Variants in PHF14 observed in about 807,000 individuals in gnomAD.
PHF14 encodes PHD finger protein 14.
Under a neutral mutation model 117.9 loss-of-function variants are expected in PHF14, and 55 were observed. The ratio of observed to expected loss-of-function variants is 0.47; its 90% CI spans 0.38 to 0.58. PHF14 has a LOEUF of 0.58. Among genes scored for constraint, PHF14 ranks in the 20% least tolerant of loss-of-function variants. The pLI is 0.00. For synonymous variants in PHF14, 409 were observed against 368.6 expected (o/e 1.11, Z -1.26); for missense variants, 978 against 1,122.2 (o/e 0.87, Z 1.84).
At chr7:11,001,980 G>T (rs1782892654) in intron 4 of PHF14, among the ~76,000 whole-genome samples, 1 of 151,372 alleles carries the variant, frequency 6.6e-6, no homozygotes, top group Non-Finnish European at 1.5e-5. Context: ...TTAGCTATAG[G>T]TTTTTTTTGT....
At chr7:11,168,902 A>G (rs1396222491) in intron 17 of PHF14, among the ~76,000 whole-genome samples, 1 of 152,124 alleles carries the variant, frequency 6.6e-6, no homozygotes, top group Non-Finnish European at 1.5e-5. Context: ...ACCACTTAGA[A>G]TTGAAACTGT....
At chr7:11,051,520 C>A (rs1297588525) in intron 13 of PHF14, 92 bp from the exon 14 acceptor site, 7 of 984,128 alleles carry the variant, frequency 7.1e-6, no homozygotes, top group South Asian at 3.9e-5. Flanking sequence ...ATATATTATT[C>A]TTATATACCT....
rs17163927 is a variant in PHF14, at chr7:11,051,798, T to C, written c.2481+18T>C. 25,674 of 1,608,288 alleles carry C rather than the reference T, an allele frequency of 0.016. 472 individuals are homozygous for C. Among genetic ancestry groups the C allele is most frequent in the African/African-American group, 0.089 (6,654 of 74,848 alleles). ...GAAACACGGTAGTTTATTTTTTATT[T>C]ATCATAAGCATCATACAATTCTGAG... On this transcript the variant is annotated intron_variant, in intron 14 of 17. Transcript: ENST00000634607.
At chr7:11,128,261 G>A (rs1185987811) in intron 17 of PHF14, among the ~76,000 whole-genome samples, 4 of 151,858 alleles carry the variant, frequency 2.6e-5, no homozygotes, top group African/African-American at 4.8e-5. Flanking sequence ...ATGCATCAAG[G>A]CTTCAGTTTT....
intron 17 of PHF14, among the ~76,000 whole-genome samples, chr7:11,153,771 T>C (rs2128354739): frequency 6.6e-6 from 1 of 152,164 alleles, no homozygotes; most frequent in Middle Eastern, 3.4e-3. Context: ...TTGAGAAAAT[T>C]GGGTGGTTAT....
intron 17 of PHF14, among the ~76,000 whole-genome samples, chr7:11,160,120 C>G (rs1788980781): frequency 6.6e-6 from 1 of 152,042 alleles, no homozygotes; most frequent in African/African-American, 2.4e-5. Flanking sequence ...CTTCATGTCC[C>G]TGTGTACCCA....
chr7:10,988,829 A>G lies in PHF14; in HGVS notation c.901-1874A>G, dbSNP rs140953952. On this transcript the variant is annotated intron_variant, in intron 3 of 17. Coordinates refer to ENST00000634607, the MANE Select transcript of PHF14 (RefSeq NM_001007157.2). The stretch of plus-strand genomic sequence containing the variant: ...TAATTCTTATAACCTCCTGAAGTAG[A>G]TATTATTTTTATCGCCATTTTGCAG... 3.9e-3 allele frequency among the ~76,000 whole-genome samples: 589 copies of G among 152,236 alleles called. 4 individuals carry two copies. Among genetic ancestry groups the G allele is most frequent in the African/African-American group, 0.014 (566 of 41,544 alleles).
In PHF14 at chr7:10,974,331, G is replaced by A; in HGVS notation, c.1+7G>A. 1 of 1,590,562 alleles carries A rather than the reference G, an allele frequency of 6.3e-7. No homozygotes were observed. ...CCACCTCACGGATTCCTTAGTAAGT[G>A]TATCCGAGGCCTCTGCGGCGAGAGG... On this transcript the variant is annotated splice_region_variant and intron_variant, in intron 1 of 17. Coordinates refer to ENST00000634607, the MANE Select transcript of PHF14 (RefSeq NM_001007157.2).
At chr7:11,044,810 C>T (rs1222116636) in intron 13 of PHF14, among the ~76,000 whole-genome samples, 2 of 152,036 alleles carry the variant, frequency 1.3e-5, no homozygotes, top group African/African-American at 4.8e-5. Context: ...GGTTGAGTAT[C>T]CCTTATCCAA....
chr7:11,016,561 T>A (rs1281074830), intron 5 of PHF14, among the ~76,000 whole-genome samples: 1 of 152,100 alleles, frequency 6.6e-6, no homozygotes, highest in Non-Finnish European at 1.5e-5. Flanking sequence ...CTGTGGGAAA[T>A]TTTTTGGCAT....
intron 4 of PHF14, among the ~76,000 whole-genome samples, chr7:10,995,351 C>T (rs561487301): frequency 5.3e-5 from 8 of 150,468 alleles, no homozygotes; most frequent in Admixed American, 2.6e-4. Context: ...ACAAGCCTTG[C>T]GCTAGACACA....
intron 17 of PHF14, 72 bp downstream of exon 17, chr7:11,111,539 A>T (rs1456889392): frequency 2.8e-6 from 2 of 721,350 alleles, no homozygotes; most frequent in Non-Finnish European, 4.8e-6. Flanking sequence ...TCACACAATT[A>T]GCTTCTTTAA....
intron 16 of PHF14, among the ~76,000 whole-genome samples, chr7:11,097,838 TCTC>T (rs1271550281): frequency 1.3e-5 from 2 of 152,152 alleles, no homozygotes; most frequent in East Asian, 1.9e-4. Flanking sequence ...TATTCTATCT[TCTC>T]CTTCATCTTT....
chr7:11,143,754 A>G (rs1158847596), intron 17 of PHF14, among the ~76,000 whole-genome samples: 1 of 152,130 alleles, frequency 6.6e-6, no homozygotes, highest in Admixed American at 6.6e-5. Context: ...CTTGCAGGTC[A>G]TAACCTTTAT....
chr7:11,105,090 T>C (rs1459341971), intron 16 of PHF14: 1 of 946,374 alleles, frequency 1.1e-6, no homozygotes, highest in Non-Finnish European at 1.3e-6. Context: ...CAGAAAGAAA[T>C]CAATAAACAT....
intron 16 of PHF14, among the ~76,000 whole-genome samples, chr7:11,079,491 A>T (rs1238098037): frequency 1.3e-5 from 2 of 152,174 alleles, no homozygotes; most frequent in Non-Finnish European, 2.9e-5. Flanking sequence ...ATGTTCTGGA[A>T]TAATAGTAAC....
chr7:11,005,987 T>C (rs1271277437), intron 4 of PHF14, among the ~76,000 whole-genome samples: 1 of 152,020 alleles, frequency 6.6e-6, no homozygotes, highest in Non-Finnish European at 1.5e-5. Flanking sequence ...AGAGACGGGG[T>C]TTCACCATGT....
Position 10,990,732 on chromosome 7 carries a change from C to A in PHF14, c.930C>A (p.Asn310Lys). ...CGCTGATTCTTGAGAAGAGTCAAAA[C>A]TGGAGCTCTCAAAAAATGGACCATA... is the stretch of plus-strand genomic sequence containing the variant. The part of the protein sequence containing the change: ...EDSLILEKSQ[N>K]WSSQKMDHIL... Residue 310 changes from asparagine to lysine, a missense_variant, in exon 4 of 18, where the codon AAC becomes AAA. Asn to Lys is a moderately conservative substitution (Grantham distance 94). Around this residue, in one of 7 missense-constraint regions of PHF14, gnomAD observed 414 missense variants for 376.4 expected, o/e 1.10. Transcript: ENST00000634607. 6.4e-7 allele frequency: 1 copy of A among 1,558,044 alleles called. No individual in the cohort carries two copies. Among genetic ancestry groups the A allele is most frequent in the Admixed American group, 1.9e-5 (1 of 53,300 alleles).
chr7:11,092,235 C>T (rs1487357446), intron 16 of PHF14, among the ~76,000 whole-genome samples: 1 of 152,136 alleles, frequency 6.6e-6, no homozygotes, highest in Non-Finnish European at 1.5e-5. Context: ...TACCTTCATC[C>T]CAGCTAAATT....
Sources: allele counts gnomAD v4.1 joint callset (sites outside exome capture counted in the v4.1 genomes callset), GRCh38; gene constraint gnomAD v4.1.1; regional missense constraint gnomAD v4.1.1; transcripts MANE v1.5; gene names NCBI Gene and HGNC (gene_info 2026-07-23, HGNC 2026-07-21).